Variants in ESR1 observed in about 807,000 individuals in gnomAD.
The protein encoded by ESR1 is estrogen receptor.
Under a neutral mutation model 52.7 loss-of-function variants are expected in ESR1, and 12 were observed. The ratio of observed to expected loss-of-function variants is 0.23; its 90% CI spans 0.15 to 0.37. ESR1 has a LOEUF of 0.37. ESR1 is among the 10% of genes least tolerant of loss of function. ESR1 has a pLI of 1.00. For missense variants in ESR1, 584 were observed against 779.7 expected (o/e 0.75, Z 2.99); for synonymous variants, 305 against 316.8 (o/e 0.96, Z 0.39).
chr6:151,681,619 A>G (rs185048878), intron 1 of ESR1, among the ~76,000 whole-genome samples: 25 of 152,304 alleles, frequency 1.6e-4, no homozygotes, highest in South Asian at 4.1e-4. Context: ...TTCGTCCCCA[A>G]TGTTACATAA....
At chr6:151,915,847 T>TCTC (rs2029974173) in intron 3 of ESR1, among the ~76,000 whole-genome samples, 1 of 149,016 alleles carries the variant, frequency 6.7e-6, no homozygotes, top group African/African-American at 2.5e-5. Context: ...CTTTCTCTCT[T>TCTC]TCTCTCTCTC....
intron 5 of ESR1, among the ~76,000 whole-genome samples, chr6:152,054,800 A>C (rs559471464): frequency 6.6e-6 from 1 of 152,304 alleles, no homozygotes; most frequent in South Asian, 2.1e-4. Flanking sequence ...AAATTCCTGA[A>C]ATTTCTTTCC....
At chr6:151,793,762 G>C (rs1031878258) in intron 2 of ESR1, among the ~76,000 whole-genome samples, 2 of 152,166 alleles carry the variant, frequency 1.3e-5, no homozygotes. Flanking sequence ...ATGTGCCCAG[G>C]CAGTGTGCTA....
chr6:151,814,376 T>C (rs1363853874), intron 1 of ESR1, among the ~76,000 whole-genome samples: 4 of 152,214 alleles, frequency 2.6e-5, no homozygotes, highest in Non-Finnish European at 1.5e-5. Context: ...TTAAACTCCC[T>C]TTAAAGAGTT....
At chr6:151,884,496 A>G (rs1006284821) in intron 3 of ESR1, among the ~76,000 whole-genome samples, 1 of 152,240 alleles carries the variant, frequency 6.6e-6, no homozygotes, top group South Asian at 2.1e-4. Flanking sequence ...TATGAAATAA[A>G]AAGTTTAGTT....
At chr6:151,864,502 G>T (rs9647626) in intron 2 of ESR1, among the ~76,000 whole-genome samples, 1 of 144,484 alleles carries the variant, frequency 6.9e-6, no homozygotes, top group Non-Finnish European at 1.5e-5. Context: ...ACTGTAAACT[G>T]GTTCAACCAT....
intron 1 of ESR1, among the ~76,000 whole-genome samples, chr6:151,698,353 A>G (rs1779522135): frequency 6.6e-6 from 1 of 152,008 alleles, no homozygotes; most frequent in Admixed American, 6.6e-5. Flanking sequence ...AGCCTGGGCA[A>G]CAGAGCAAGA....
At chr6:151,953,655 A>T (rs2036573675) in intron 4 of ESR1, among the ~76,000 whole-genome samples, 1 of 151,936 alleles carries the variant, frequency 6.6e-6, no homozygotes. Context: ...CGGGAGGCAG[A>T]GGTTGCAGTG....
In ESR1 at chr6:151,880,730, G is replaced by A. The variant is rs2128333955; in HGVS notation, c.719G>A (p.Cys240Tyr). ...DKNRRKSCQACRLRKCYEVGM... is the reference protein window; with the variant it reads ...DKNRRKSCQAYRLRKCYEVGM... ...AACAGGAGGAAGAGCTGCCAGGCCT[G>A]CCGGCTCCGTAAATGCTACGAAGTG... The change falls in exon 3 of 8, where the codon TGC (cysteine) becomes TAC (tyrosine). Residue 240 changes from cysteine (C) to tyrosine (Y), a missense_variant. Physicochemically the swap from Cys to Tyr is radical, Grantham distance 194. Coordinates refer to ENST00000206249, the MANE Select transcript of ESR1 (RefSeq NM_000125.4). 1 of 1,611,600 alleles carries A rather than the reference G, an allele frequency of 6.2e-7. No individual in the cohort carries two copies. Among genetic ancestry groups the A allele is most frequent in the Non-Finnish European group, 8.5e-7 (1 of 1,177,628 alleles).
intron 4 of ESR1, among the ~76,000 whole-genome samples, chr6:152,008,751 A>G (rs1057136245): frequency 2.0e-5 from 3 of 152,092 alleles, no homozygotes; most frequent in African/African-American, 7.2e-5. Context: ...AATATTACAT[A>G]TAGCAAATGT....
At chr6:151,953,624 G>A (rs1170417859) in intron 4 of ESR1, among the ~76,000 whole-genome samples, 1 of 152,038 alleles carries the variant, frequency 6.6e-6, no homozygotes, top group Non-Finnish European at 1.5e-5. Flanking sequence ...GGGAGGCTGA[G>A]CGGGGAGAAT....
chr6:151,718,257 A>G (rs1781200392), intron 2 of ESR1, among the ~76,000 whole-genome samples: 1 of 152,196 alleles, frequency 6.6e-6, no homozygotes, highest in African/African-American at 2.4e-5. Context: ...GTCTTGAGGA[A>G]GTCAACTACA....
intron 4 of ESR1, among the ~76,000 whole-genome samples, chr6:151,957,084 A>G (rs2037079167): frequency 6.6e-6 from 1 of 151,472 alleles, no homozygotes; most frequent in Non-Finnish European, 1.5e-5. Context: ...TCACTGTGTT[A>G]GCCAGGATGG....
At chr6:151,958,851 C>G (rs536677068) in intron 4 of ESR1, among the ~76,000 whole-genome samples, 13 of 152,278 alleles carry the variant, frequency 8.5e-5, no homozygotes, top group Admixed American at 7.8e-4. Flanking sequence ...GTGCTGGTTG[C>G]GAGCCAACAG....
intron 2 of ESR1, among the ~76,000 whole-genome samples, chr6:151,774,702 C>T (rs1449409834): frequency 6.6e-6 from 1 of 152,144 alleles, no homozygotes; most frequent in South Asian, 2.1e-4. Flanking sequence ...TGGTGTTGAA[C>T]ATTCGTAGGA....
chr6:152,058,270 T>G (rs1400361881), intron 5 of ESR1, among the ~76,000 whole-genome samples: 5 of 152,256 alleles, frequency 3.3e-5, no homozygotes, highest in Admixed American at 6.5e-5. Context: ...TTCTCCCCAC[T>G]CAATGCCAAT....
chr6:151,984,981 T>G (rs1447859724), intron 4 of ESR1, among the ~76,000 whole-genome samples: 2 of 152,120 alleles, frequency 1.3e-5, no homozygotes, highest in Non-Finnish European at 2.9e-5. Flanking sequence ...CTTAATTTCA[T>G]CATCATTAAA....
At chr6:151,885,071 G>C (rs1461613085) in intron 3 of ESR1, among the ~76,000 whole-genome samples, 1 of 152,128 alleles carries the variant, frequency 6.6e-6, no homozygotes, top group Non-Finnish European at 1.5e-5. Context: ...CATGAAACAA[G>C]TCACAAGGTA....
chr6:152,092,270 A>G (rs1038786163), intron 6 of ESR1, among the ~76,000 whole-genome samples: 9 of 152,242 alleles, frequency 5.9e-5, no homozygotes, highest in African/African-American at 2.2e-4. Context: ...TGTTTGCTTT[A>G]GATCAAGGTG....
Sources: gnomAD v4.1 joint callset for allele counts (sites outside exome capture counted in the v4.1 genomes callset) on GRCh38, gnomAD v4.1.1 for gene constraint, MANE v1.5 for transcripts, NCBI Gene and HGNC (gene_info 2026-07-23, HGNC 2026-07-21) for gene names.